STXBP6: variants seen among roughly 807,000 people sequenced by gnomAD.
STXBP6 encodes syntaxin binding protein 6.
STXBP6 carries 21 observed loss-of-function variants against 26.9 expected under a neutral mutation model. The observed-to-expected ratio is 0.78, with a 90% confidence interval of 0.55 to 1.12. STXBP6 has a LOEUF of 1.12. Among genes scored for constraint, STXBP6 ranks in the 50% most tolerant of loss-of-function variants. STXBP6 has a pLI of 0.00. For synonymous variants in STXBP6, 97 were observed against 92.6 expected, an observed-to-expected ratio of 1.05 and a Z score of -0.27; for missense variants, 232 against 257.9, an observed-to-expected ratio of 0.90 and a Z score of 0.69.
In STXBP6 at chr14:24,974,736, C is replaced by T. The variant is rs2073997467; in HGVS notation, c.83G>A (p.Arg28Lys). ...CAAGAAAGGAATCTTTTTCTTTGTCCTCCTCTTGACTTGGACAGCTCCCAG... is the reference window on the plus strand; with the variant it reads ...CAAGAAAGGAATCTTTTTCTTTGTCTTCCTCTTGACTTGGACAGCTCCCAG... ...RMLGAVQVKR[R>K]TKKKIPFLAT... Residue 28 changes from arginine to lysine, a missense_variant, in exon 2 of 6, where the codon AGG (arginine) becomes AAG (lysine). Arg to Lys is a conservative substitution (Grantham distance 26). Transcript: ENST00000323944. The T allele has an allele frequency of 1.9e-6, 3 of 1,593,230 alleles. No homozygotes were observed. Among genetic ancestry groups the T allele is most frequent in the Non-Finnish European group, 1.7e-6 (2 of 1,167,658 alleles).
At chr14:24,851,491 G>A (rs2139129729) in intron 4 of STXBP6, among the ~76,000 whole-genome samples, 1 of 148,272 alleles carries the variant, frequency 6.7e-6, no homozygotes, top group East Asian at 2.0e-4. Context: ...TGCGGTGTTT[G>A]GTTTTTTGTC....
chr14:24,823,030 C>A (rs2068183179), intron 4 of STXBP6, among the ~76,000 whole-genome samples: 1 of 152,006 alleles, frequency 6.6e-6, no homozygotes, highest in African/African-American at 2.4e-5. Context: ...ATATTAATAC[C>A]CAAATTTATT....
intron 1 of STXBP6, among the ~76,000 whole-genome samples, chr14:25,035,123 C>T (rs1422986642): frequency 6.8e-6 from 1 of 147,724 alleles, no homozygotes; most frequent in Admixed American, 6.8e-5. Flanking sequence ...TGCACTCCAG[C>T]TTGGGTGACA....
intron 2 of STXBP6, among the ~76,000 whole-genome samples, chr14:24,928,862 T>C (rs1218569089): frequency 1.3e-5 from 2 of 152,090 alleles, no homozygotes; most frequent in African/African-American, 2.4e-5. Context: ...GTTCTTTAAA[T>C]TGACCAAAAA....
At chr14:24,973,678 C>T (rs938902470) in intron 2 of STXBP6, among the ~76,000 whole-genome samples, 27 of 152,024 alleles carry the variant, frequency 1.8e-4, no homozygotes, top group East Asian at 1.9e-4. Flanking sequence ...TGAGCCACCG[C>T]GCCTGGCCCT....
At chr14:25,015,398 C>T (rs1385303330) in intron 1 of STXBP6, among the ~76,000 whole-genome samples, 2 of 151,986 alleles carry the variant, frequency 1.3e-5, no homozygotes, top group African/African-American at 4.8e-5. Context: ...AACCCACAGT[C>T]TCCACCCCTT....
chr14:24,934,932 CA>C (rs2072544348), intron 2 of STXBP6, among the ~76,000 whole-genome samples: 1 of 151,870 alleles, frequency 6.6e-6, no homozygotes, highest in Non-Finnish European at 1.5e-5. Context: ...AAAAAAATCT[CA>C]AAAAATACTT....
At chr14:25,021,674 G>A (rs759309538) in intron 1 of STXBP6, among the ~76,000 whole-genome samples, 9 of 152,092 alleles carry the variant, frequency 5.9e-5, no homozygotes, top group African/African-American at 9.7e-5. Flanking sequence ...CTCCATGACC[G>A]ATGCTTTCCT....
At chr14:24,915,361 T>C (rs1462219093) in intron 2 of STXBP6, among the ~76,000 whole-genome samples, 1 of 152,098 alleles carries the variant, frequency 6.6e-6, no homozygotes, top group African/African-American at 2.4e-5. Context: ...ACACAAACTG[T>C]GGGGCATGGA....
At chr14:24,923,809 T>G (rs1480095398) in intron 2 of STXBP6, among the ~76,000 whole-genome samples, 4 of 152,190 alleles carry the variant, frequency 2.6e-5, no homozygotes, top group African/African-American at 9.6e-5. Flanking sequence ...AAGTTTTATA[T>G]TCTATTCCCT....
chr14:25,012,705 C>T (rs2075058495), intron 1 of STXBP6, among the ~76,000 whole-genome samples: 1 of 152,080 alleles, frequency 6.6e-6, no homozygotes, highest in Non-Finnish European at 1.5e-5. Flanking sequence ...AAGAATAAAA[C>T]AGGTAAATTA....
At position 25,049,375 on chromosome 14, in the gene STXBP6, C is replaced by G; in HGVS notation, c.-33+503G>C. The G allele has an allele frequency of 2.0e-6, 2 of 985,438 alleles. No homozygotes were observed. The highest frequency in any genetic ancestry group is 2.4e-6 in the Non-Finnish European group (2 of 829,956). 61.0% of individuals were successfully genotyped at this position (985,438 alleles called of 1,614,324 possible). A position where few individuals can be genotyped will look rare whatever the true frequency, so the allele number is the denominator to read the frequency against. On this transcript the variant is annotated intron_variant, in intron 1 of 5. Transcript: ENST00000323944. This position sits in a 1 kb window ranked among gnomAD's most constrained non-coding sequence, Gnocchi z 5.6. ...TGCCGTGCCCGCCAGAAAAGCTCGC[C>G]TCAGTTTTGGCAGTAATGATTTTCC...
At chr14:24,937,544 C>T (rs1188156147) in intron 2 of STXBP6, among the ~76,000 whole-genome samples, 3 of 152,210 alleles carry the variant, frequency 2.0e-5, no homozygotes, top group Non-Finnish European at 4.4e-5. Flanking sequence ...TATGTGATGA[C>T]TGCCACCTGG....
Position 24,945,363 on chromosome 14 carries a change from C to T in STXBP6, c.154+29302G>A, listed in dbSNP as rs965656035. On this transcript the variant is annotated intron_variant, in intron 2 of 5. Coordinates refer to ENST00000323944, the MANE Select transcript of STXBP6 (RefSeq NM_001394410.1). Reference sequence around the variant, plus strand: ...GGAGGATTGCTTGAGGCCAAGAGTTCAAGACTAGCCTGGGCAACATAGCAA... The same window carrying T: ...GGAGGATTGCTTGAGGCCAAGAGTTTAAGACTAGCCTGGGCAACATAGCAA... Among the ~76,000 whole-genome samples the T allele has an allele frequency of 3.3e-5, 5 of 151,422 alleles. No homozygotes were observed. The East Asian group carries it at 9.7e-4, about 29-fold the overall frequency.
intron 2 of STXBP6, among the ~76,000 whole-genome samples, chr14:24,967,060 G>C (rs2073756751): frequency 6.6e-6 from 1 of 151,598 alleles, no homozygotes; most frequent in African/African-American, 2.4e-5. Flanking sequence ...CAGCACAGTG[G>C]ATAAGGGAGT....
Position 24,856,007 on chromosome 14 carries a change from T to C in STXBP6, c.380A>G (p.His127Arg), listed in dbSNP as rs778571705. The C allele has an allele frequency of 6.2e-7, 1 of 1,611,762 alleles. No homozygotes were observed. The highest frequency in any genetic ancestry group is 8.5e-7 in the Non-Finnish European group (1 of 1,178,756). Residue 127 changes from histidine to arginine, a missense_variant, in exon 4 of 6, where the codon CAC becomes CGC. Transcript: ENST00000323944. ...SEKCTFFQILHHTCQRYLTDR... is the reference protein window; with the variant it reads ...SEKCTFFQILRHTCQRYLTDR... ...CGTGAGGTACCTCTGGCAGGTATGGTGGAGGATCTGGAAGAAGGTGCATTT... is the reference window on the plus strand; with the variant it reads ...CGTGAGGTACCTCTGGCAGGTATGGCGGAGGATCTGGAAGAAGGTGCATTT...
chr14:24,901,821 A>G (rs2071224110), intron 2 of STXBP6, among the ~76,000 whole-genome samples: 1 of 151,050 alleles, frequency 6.6e-6, no homozygotes, highest in Admixed American at 6.6e-5. Context: ...AACTATGGTG[A>G]TAAGAATCAG....
chr14:24,857,461 T>A (rs2069379380), intron 2 of STXBP6, among the ~76,000 whole-genome samples: 1 of 152,078 alleles, frequency 6.6e-6, no homozygotes. Flanking sequence ...CCAAGCACCT[T>A]CAATGGAGGC....
intron 2 of STXBP6, among the ~76,000 whole-genome samples, chr14:24,953,508 C>A (rs1214026330): frequency 4.6e-5 from 7 of 152,202 alleles, no homozygotes; most frequent in East Asian, 1.9e-4. Flanking sequence ...ACAGTGGCTA[C>A]CCTTTCCTGC....
Sources: gnomAD v4.1 joint callset for allele counts (sites outside exome capture counted in the v4.1 genomes callset) on GRCh38, gnomAD v4.1.1 for gene constraint, Gnocchi (gnomAD v3.1) non-coding constraint, MANE v1.5 for transcripts, NCBI Gene and HGNC (gene_info 2026-07-23, HGNC 2026-07-21) for gene names.